TRAPPC9: variants seen among roughly 807,000 people sequenced by gnomAD.
TRAPPC9 encodes IKK2 binding protein.
Under a neutral mutation model 124.0 loss-of-function variants are expected in TRAPPC9, and 83 were observed. That is an observed-to-expected ratio of 0.67 (90% CI 0.56 to 0.80). TRAPPC9 has a LOEUF of 0.80. Among genes scored for constraint, TRAPPC9 ranks in the 30% least tolerant of loss-of-function variants. The pLI is 0.00. For missense variants in TRAPPC9, 1,302 were observed against 1,508.3 expected, an observed-to-expected ratio of 0.86 and a Z score of 2.27; for synonymous variants, 638 against 617.5, an observed-to-expected ratio of 1.03 and a Z score of -0.49.
At chr8:139,800,671 A>G (rs1823435632) in intron 21 of TRAPPC9, among the ~76,000 whole-genome samples, 2 of 152,312 alleles carry the variant, frequency 1.3e-5, no homozygotes, top group South Asian at 4.1e-4. Flanking sequence ...TTGAGGTCCC[A>G]GAGCTGGTCC....
chr8:139,850,729 C>T (rs1050376123), intron 21 of TRAPPC9, among the ~76,000 whole-genome samples: 1 of 152,172 alleles, frequency 6.6e-6, no homozygotes, highest in Admixed American at 6.5e-5. Flanking sequence ...TATCCTTTCA[C>T]CATCCAATTG....
chr8:140,340,795 A>G (rs1018002990), intron 9 of TRAPPC9, among the ~76,000 whole-genome samples: 4 of 152,220 alleles, frequency 2.6e-5, no homozygotes, highest in Non-Finnish European at 5.9e-5. Flanking sequence ...CATCTTCCCC[A>G]AGGCCACTCA....
chr8:140,267,472 G>A (rs1182682660), intron 15 of TRAPPC9, among the ~76,000 whole-genome samples: 1 of 152,198 alleles, frequency 6.6e-6, no homozygotes, highest in Non-Finnish European at 1.5e-5. Context: ...CACTCACTAT[G>A]CGGCAAGCAT....
intron 21 of TRAPPC9, among the ~76,000 whole-genome samples, chr8:139,804,068 C>CCGCCACCACCACGACG (rs1292311658): frequency 7.3e-5 from 11 of 150,838 alleles, no homozygotes; most frequent in African/African-American, 2.7e-4. Context: ...TCAAGCACCG[C>CCGCCACCACCACGACG]CGCCACCACC....
chr8:140,367,441 A>C (rs1423808837), intron 8 of TRAPPC9, among the ~76,000 whole-genome samples: 1 of 152,232 alleles, frequency 6.6e-6, no homozygotes, highest in Non-Finnish European at 1.5e-5. Flanking sequence ...AGGAAACTTA[A>C]ATGTATATTA....
intron 9 of TRAPPC9, among the ~76,000 whole-genome samples, chr8:140,343,920 A>C (rs4736034): frequency 0.19 from 28,847 of 151,968 alleles, 3,611 homozygotes; most frequent in East Asian, 0.64. Flanking sequence ...GGGAGAGAGG[A>C]ACTAACAGCT....
At chr8:140,035,030 G>A (rs545415111) in intron 17 of TRAPPC9, among the ~76,000 whole-genome samples, 67 of 152,344 alleles carry the variant, frequency 4.4e-4, no homozygotes, top group African/African-American at 1.6e-3. Flanking sequence ...GATGCTCACG[G>A]TTTTTCCCCT....
intron 19 of TRAPPC9, among the ~76,000 whole-genome samples, chr8:139,956,985 G>C (rs775230695): frequency 1.3e-5 from 2 of 152,260 alleles, no homozygotes; most frequent in East Asian, 3.8e-4. Context: ...TGCTGCCTTC[G>C]AGCGGGAGGG....
intron 21 of TRAPPC9, among the ~76,000 whole-genome samples, chr8:139,855,538 G>T (rs537465502): frequency 6.6e-6 from 1 of 152,242 alleles, no homozygotes; most frequent in South Asian, 2.1e-4. Context: ...GTGCTTACAC[G>T]ACGCGTCATC....
intron 17 of TRAPPC9, among the ~76,000 whole-genome samples, chr8:140,214,431 CTTG>C (rs1416193585): frequency 5.3e-4 from 80 of 152,344 alleles, no homozygotes; most frequent in Non-Finnish European, 5.9e-5. Context: ...CAGAGCTGCT[CTTG>C]TTGTTAACAA....
chr8:140,389,193 G>T (rs1422020938), intron 7 of TRAPPC9, among the ~76,000 whole-genome samples: 1 of 152,030 alleles, frequency 6.6e-6, no homozygotes, highest in African/African-American at 2.4e-5. Flanking sequence ...CCGACCTCAG[G>T]TGATCTGCCT....
At chr8:140,385,297 GA>G (rs1288415305) in intron 7 of TRAPPC9, among the ~76,000 whole-genome samples, 1 of 152,162 alleles carries the variant, frequency 6.6e-6, no homozygotes, top group Non-Finnish European at 1.5e-5. Context: ...AAAGCTAGCA[GA>G]AAGCAAGAAA....
chr8:139,830,854 C>T (rs922154896), intron 21 of TRAPPC9, among the ~76,000 whole-genome samples: 1 of 152,328 alleles, frequency 6.6e-6, no homozygotes, highest in African/African-American at 2.4e-5. Flanking sequence ...CTGGTGACCA[C>T]GAACAGAGGG....
intron 9 of TRAPPC9, among the ~76,000 whole-genome samples, chr8:140,337,416 AT>A (rs1200698809): frequency 6.6e-6 from 1 of 152,210 alleles, no homozygotes; most frequent in Admixed American, 6.5e-5. Flanking sequence ...CAGGAAGAAC[AT>A]TCTAAGAAGA....
intron 9 of TRAPPC9, among the ~76,000 whole-genome samples, chr8:140,323,765 A>G (rs546711031): frequency 1.4e-4 from 21 of 152,330 alleles, no homozygotes; most frequent in African/African-American, 5.1e-4. Flanking sequence ...GAGGAAAAAA[A>G]CAGATATGAC....
At chr8:140,042,433 C>T (rs1488983053) in intron 17 of TRAPPC9, among the ~76,000 whole-genome samples, 1 of 152,242 alleles carries the variant, frequency 6.6e-6, no homozygotes, top group African/African-American at 2.4e-5. Flanking sequence ...TTGCGGAACA[C>T]ACGCATGCTC....
chr8:140,284,308 CT>C (rs2065423141), intron 13 of TRAPPC9, among the ~76,000 whole-genome samples: 1 of 152,198 alleles, frequency 6.6e-6, no homozygotes, highest in Non-Finnish European at 1.5e-5. Flanking sequence ...TAAATATCTA[CT>C]TAATAATCAG....
intron 21 of TRAPPC9, among the ~76,000 whole-genome samples, chr8:139,878,392 A>T (rs930668480): frequency 2.6e-5 from 4 of 152,300 alleles, no homozygotes; most frequent in African/African-American, 7.2e-5. Context: ...TTTTTTATCT[A>T]TGTTTTCTGA....
At chr8:139,887,854 T>C (rs757885942) in intron 20 of TRAPPC9, among the ~76,000 whole-genome samples, 1 of 152,192 alleles carries the variant, frequency 6.6e-6, no homozygotes, top group Non-Finnish European at 1.5e-5. Flanking sequence ...TCAATATATA[T>C]TGCCTGATGA....
Sources: gnomAD v4.1 joint callset for allele counts (sites outside exome capture counted in the v4.1 genomes callset) on GRCh38, gnomAD v4.1.1 for gene constraint, MANE v1.5 for transcripts, NCBI Gene and HGNC (gene_info 2026-07-23, HGNC 2026-07-21) for gene names.